The following PRKAR1A variants were observed in gnomAD, a reference collection of about 807,000 sequenced individuals.
The protein encoded by PRKAR1A is protein kinase cAMP-dependent type I regulatory subunit alpha.
A neutral mutation model predicts 52.0 loss-of-function variants in PRKAR1A; 3 were observed. That is an observed-to-expected ratio of 0.06 (90% CI 0.03 to 0.15). The LOEUF (loss-of-function observed/expected upper bound fraction) is 0.15, where lower values mean the gene tolerates loss of function less well. Ranked by LOEUF, PRKAR1A falls within the 10% of genes least tolerant of loss-of-function variation. The probability of loss-of-function intolerance (pLI) is 1.00; values close to 1 mark genes in which losing one functional copy is unlikely to be tolerated. For missense variants in PRKAR1A, 240 were observed against 477.4 expected, an observed-to-expected ratio of 0.50 and a Z score of 4.63; for synonymous variants, 188 against 168.4, an observed-to-expected ratio of 1.12 and a Z score of -0.90.
At chr17:68,436,117 A>AT in the PRKAR1A span, among the ~76,000 whole-genome samples, 1 of 152,242 alleles carries the variant, frequency 6.6e-6, no homozygotes, top group African/African-American at 2.4e-5. Context: ...AGGGTGACAC[A>AT]TTCAGGGAGA....
rs759197325 is a variant in PRKAR1A at position 68,522,849 on chromosome 17, G to C, written c.271G>C (p.Val91Leu). The C allele has an allele frequency of 1.9e-6, 3 of 1,614,056 alleles. No individual in the cohort carries two copies. Among genetic ancestry groups the C allele is most frequent in the Non-Finnish European group, 2.5e-6 (3 of 1,179,910 alleles). The change falls in exon 3 of 11, where the codon GTT becomes CTT. Residue 91 changes from valine to leucine, a missense_variant. Physicochemically the swap from Val to Leu is conservative, Grantham distance 32 (BLOSUM62 1). Coordinates refer to ENST00000589228, the MANE Select transcript of PRKAR1A (RefSeq NM_002734.5). ...EISPPPPNPV[V>L]KGRRRRGAIS... The stretch of plus-strand genomic sequence containing the variant: ...TTCTCCTCCTCCACCCAACCCAGTG[G>C]TTAAAGGTAGGAGGCGACGAGGTGC...
the PRKAR1A span, chr17:68,434,436 A>G: frequency 1.0e-6 from 1 of 961,216 alleles, no homozygotes; most frequent in Non-Finnish European, 1.5e-6. Context: ...GAGTAGTTAC[A>G]CTTCCTCCAG....
At chr17:68,481,921 G>C in the PRKAR1A span, among the ~76,000 whole-genome samples, 2 of 152,192 alleles carry the variant, frequency 1.3e-5, no homozygotes, top group African/African-American at 4.8e-5. Context: ...GTGCTTGCTT[G>C]GTACGTGCTA....
At chr17:68,515,277 A>G in intron 1 of PRKAR1A, 117 bp from the exon 2 acceptor site, 1 of 1,189,180 alleles carries the variant, frequency 8.4e-7, no homozygotes, top group Non-Finnish European at 1.2e-6. Context: ...TAAAAACAAA[A>G]TCTACTTAGA....
At chr17:68,491,996 T>C in the PRKAR1A span, among the ~76,000 whole-genome samples, 1 of 151,952 alleles carries the variant, frequency 6.6e-6, no homozygotes, top group East Asian at 1.9e-4. Context: ...AGGGGAAGGG[T>C]TGGAGGTCAT....
At chr17:68,415,913 T>C in the PRKAR1A span, among the ~76,000 whole-genome samples, 1 of 152,220 alleles carries the variant, frequency 6.6e-6, no homozygotes, top group Non-Finnish European at 1.5e-5. Context: ...AGTCCTTATA[T>C]GTTAGATGAG....
the PRKAR1A span, among the ~76,000 whole-genome samples, chr17:68,500,575 G>A: frequency 1.3e-5 from 2 of 150,996 alleles, no homozygotes; most frequent in African/African-American, 4.9e-5. Flanking sequence ...GTGCAATGGC[G>A]CGATTTTGGC....
the PRKAR1A span, among the ~76,000 whole-genome samples, chr17:68,477,838 T>C: frequency 6.6e-6 from 1 of 152,104 alleles, no homozygotes; most frequent in South Asian, 2.1e-4. Flanking sequence ...TTCTCCCACC[T>C]CAGCCTCCCA....
Position 68,531,630 on chromosome 17 carries a change from T to TG in PRKAR1A, c.*1182dup, listed in dbSNP as rs1224066439. ...ATGGTAGGGTATAATGTGTCTGTGT[T>TG]GCTTCAAATTGGTCTGAAAGGCTAT... On this transcript the variant is annotated 3_prime_UTR_variant, in exon 11 of 11. Transcript: ENST00000589228. The TG allele has an allele frequency of 7.5e-6, 8 of 1,066,304 alleles. No individual in the cohort carries two copies. The highest frequency in any genetic ancestry group is 5.3e-5 in the Admixed American group (1 of 18,744). The allele number at this position is 1,066,304 out of a possible 1,614,324, so 66.1% of individuals were successfully genotyped here. A position where few individuals can be genotyped will look rare whatever the true frequency, so the allele number is the denominator to read the frequency against.
the PRKAR1A span, among the ~76,000 whole-genome samples, chr17:68,482,872 G>A: frequency 2.6e-5 from 4 of 152,228 alleles, no homozygotes; most frequent in South Asian, 4.1e-4. Context: ...CCTGGAGCAA[G>A]CTATGAGTTT....
chr17:68,463,259 A>C, the PRKAR1A span, among the ~76,000 whole-genome samples: 2 of 152,200 alleles, frequency 1.3e-5, no homozygotes, highest in African/African-American at 2.4e-5. Context: ...CCAGTCCTAA[A>C]GCCCCAAAAG....
rs2143397091 is a variant in PRKAR1A at position 68,531,042 on chromosome 17, G to A, written c.*593G>A. The A allele has an allele frequency of 1.9e-6, 2 of 1,067,594 alleles. No individual in the cohort carries two copies. Among genetic ancestry groups the A allele is most frequent in the Non-Finnish European group, 2.3e-6 (2 of 880,830 alleles). 66.1% of individuals were successfully genotyped at this position (1,067,594 alleles called of 1,614,324 possible). ...TTGGTTCAGTTTTTTTTTTTCCAGAGTTGTTGTTTGCCAAGCTAATCTGCC... is the reference window on the plus strand; with the variant it reads ...TTGGTTCAGTTTTTTTTTTTCCAGAATTGTTGTTTGCCAAGCTAATCTGCC... On this transcript the variant is annotated 3_prime_UTR_variant, in exon 11 of 11. Coordinates refer to ENST00000589228, the MANE Select transcript of PRKAR1A (RefSeq NM_002734.5).
chr17:68,497,341 C>T, the PRKAR1A span, among the ~76,000 whole-genome samples: 1,344 of 152,158 alleles, frequency 8.8e-3, 29 homozygotes, highest in African/African-American at 0.031. Flanking sequence ...AAATAATTAC[C>T]TATTTGACCG....
chr17:68,443,729 C>T, the PRKAR1A span, among the ~76,000 whole-genome samples: 4 of 152,148 alleles, frequency 2.6e-5, no homozygotes, highest in South Asian at 8.3e-4. Flanking sequence ...TTCAATGATA[C>T]TAAACTGAAA....
chr17:68,471,782 G>A, the PRKAR1A span, among the ~76,000 whole-genome samples: 1 of 152,116 alleles, frequency 6.6e-6, no homozygotes, highest in Admixed American at 6.5e-5. Context: ...ACTCCCGTGA[G>A]ACCTTCTGAA....
the PRKAR1A span, among the ~76,000 whole-genome samples, chr17:68,438,361 C>A: frequency 3.3e-5 from 5 of 152,190 alleles, no homozygotes; most frequent in African/African-American, 9.7e-5. Flanking sequence ...CTTCTGAATT[C>A]TTTGCTATCC....
chr17:68,427,374 T>C, the PRKAR1A span: 1 of 762,764 alleles, frequency 1.3e-6, no homozygotes, highest in African/African-American at 1.8e-5. Context: ...TATTTATTTT[T>C]GAGGCAGGGT....
the PRKAR1A span, chr17:68,434,523 G>C: frequency 1.2e-6 from 2 of 1,611,856 alleles, no homozygotes; most frequent in Non-Finnish European, 1.7e-6. Context: ...CTTCTGCGGG[G>C]ACTTTAAAAT....
chr17:68,542,603 G>T, intron 11 of PRKAR1A: 2 of 958,020 alleles, frequency 2.1e-6, no homozygotes, highest in Non-Finnish European at 1.7e-6. Flanking sequence ...AGTGCTAGCA[G>T]CAGGGTGTCA....
Sources: gnomAD v4.1 joint callset for allele counts (sites outside exome capture counted in the v4.1 genomes callset) on GRCh38, gnomAD v4.1.1 for gene constraint, MANE v1.5 for transcripts, NCBI Gene and HGNC (gene_info 2026-07-23, HGNC 2026-07-21) for gene names.